EPHA5: variants seen among roughly 807,000 people sequenced by gnomAD.
EPHA5 encodes EPH receptor A5, also known as ephrin type-A receptor 5.
A neutral mutation model predicts 105.0 loss-of-function variants in EPHA5; 60 were observed. The ratio of observed to expected loss-of-function variants is 0.57; its 90% CI spans 0.46 to 0.71. The LOEUF is 0.71. Ranked by LOEUF, EPHA5 falls within the 30% of genes least tolerant of loss-of-function variation. The pLI is 0.00. For missense variants in EPHA5, 1,218 were observed against 1,274.7 expected, an observed-to-expected ratio of 0.96 and a Z score of 0.68; for synonymous variants, 513 against 449.1, an observed-to-expected ratio of 1.14 and a Z score of -1.80.
intron 5 of EPHA5, among the ~76,000 whole-genome samples, chr4:65,473,194 C>A (rs1475191277): frequency 6.6e-6 from 1 of 152,160 alleles, no homozygotes; most frequent in African/African-American, 2.4e-5. Flanking sequence ...GGTCAAAAAA[C>A]ATTCAAGTCT....
At chr4:65,473,661 C>T (rs1054806376) in intron 5 of EPHA5, among the ~76,000 whole-genome samples, 3 of 152,100 alleles carry the variant, frequency 2.0e-5, no homozygotes, top group African/African-American at 7.2e-5. Flanking sequence ...TCCCTTGACA[C>T]ATGGGGATTA....
At chr4:65,516,929 C>T (rs1192883856) in intron 3 of EPHA5, among the ~76,000 whole-genome samples, 2 of 152,046 alleles carry the variant, frequency 1.3e-5, no homozygotes, top group Non-Finnish European at 2.9e-5. Context: ...TTGATCTACA[C>T]TTGTAAAGAA....
chr4:65,618,609 C>A (rs1745448092), intron 2 of EPHA5, among the ~76,000 whole-genome samples: 1 of 152,100 alleles, frequency 6.6e-6, no homozygotes, highest in African/African-American at 2.4e-5. Flanking sequence ...TTTATACAAC[C>A]TTATTGCTGA....
At position 65,365,968 on chromosome 4, in the gene EPHA5, C is replaced by A. The variant is rs36050417; in HGVS notation, c.1951G>T (p.Ala651Ser). The A allele has an allele frequency of 6.2e-7, 1 of 1,608,868 alleles. No homozygotes were observed. Among genetic ancestry groups the A allele is most frequent in the Admixed American group, 1.7e-5 (1 of 59,822 alleles). Residue 651 changes from alanine (A) to serine (S), a missense_variant, in exon 10 of 17, where the codon GCA (alanine) becomes TCA (serine). Physicochemically the swap from Ala to Ser is moderately conservative, Grantham distance 99. Coordinates refer to ENST00000613740, the MANE Select transcript of EPHA5 (RefSeq NM_001281766.3). Reference protein sequence around the residue: ...AVHEFAKEIEASCITIERVIG... With the variant: ...AVHEFAKEIESSCITIERVIG... Reference sequence around the variant, plus strand: ...ACTCTCTCAATGGTGATACATGATGCTTCTATCTCCTTAGCAAATTCGTGG... The same window carrying A: ...ACTCTCTCAATGGTGATACATGATGATTCTATCTCCTTAGCAAATTCGTGG...
chr4:65,331,538 C>A, intron 16 of EPHA5: 9 of 1,054,870 alleles, frequency 8.5e-6, no homozygotes, highest in Non-Finnish European at 1.0e-5. Context: ...GCTACTGTTA[C>A]CTTGATATTC....
chr4:65,601,105 C>T (rs1743680528), intron 3 of EPHA5, among the ~76,000 whole-genome samples: 1 of 152,082 alleles, frequency 6.6e-6, no homozygotes, highest in Non-Finnish European at 1.5e-5. Context: ...GTAATTACAA[C>T]CATAAGTAAA....
At position 65,615,800 on chromosome 4, in the gene EPHA5, G is replaced by A. The variant is rs985168266; in HGVS notation, c.247-13496C>T. On this transcript the variant is annotated intron_variant, in intron 2 of 16. Transcript: ENST00000613740. ...AATAGTGACAACAACCAATGCTGAT[G>A]AGAAAGTGAAGAAACTGGAATACCT... 4.0e-5 allele frequency among the ~76,000 whole-genome samples: 6 copies of A among 151,888 alleles called. No homozygotes were observed. In the East Asian group the frequency reaches 1.2e-3, roughly 29 times the overall value.
Position 65,594,678 on chromosome 4 carries a change from G to T in EPHA5, c.910+6963C>A, listed in dbSNP as rs557415018. Among the ~76,000 whole-genome samples the T allele has an allele frequency of 4.7e-4, 72 of 152,154 alleles. No homozygotes were observed. In the South Asian group the frequency reaches 5.4e-3, roughly 11 times the overall value. On this transcript the variant is annotated intron_variant, in intron 3 of 16. Transcript: ENST00000613740. ...TCTTTTCTTTCATTGCCAAGTCCCC[G>T]TATTTGTCCATCAACATATAGCAGA...
chr4:65,463,115 T>A (rs1728280384), intron 5 of EPHA5, among the ~76,000 whole-genome samples: 1 of 152,194 alleles, frequency 6.6e-6, no homozygotes, highest in South Asian at 2.1e-4. Context: ...ACTGTATCAA[T>A]AACATCTTTT....
At chr4:65,388,791 T>G (rs1305074056) in intron 8 of EPHA5, among the ~76,000 whole-genome samples, 1 of 150,596 alleles carries the variant, frequency 6.6e-6, no homozygotes, top group Non-Finnish European at 1.5e-5. Flanking sequence ...GGTAGTTTCT[T>G]TTGCTGTGCA....
At chr4:65,526,574 TAA>T (rs1735252608) in intron 3 of EPHA5, among the ~76,000 whole-genome samples, 1 of 151,970 alleles carries the variant, frequency 6.6e-6, no homozygotes, top group Non-Finnish European at 1.5e-5. Flanking sequence ...TAAAATAAGA[TAA>T]GTTAATGGCC....
At chr4:65,336,456 C>A (rs536806977) in intron 14 of EPHA5, among the ~76,000 whole-genome samples, 57 of 152,040 alleles carry the variant, frequency 3.7e-4, no homozygotes, top group African/African-American at 1.3e-3. Context: ...TATCCTTGCA[C>A]TCCAGAATCA....
intron 6 of EPHA5, among the ~76,000 whole-genome samples, chr4:65,418,854 C>A (rs774895890): frequency 1.8e-5 from 2 of 114,224 alleles, no homozygotes; most frequent in Non-Finnish European, 3.6e-5. Context: ...AATACACTTA[C>A]CTAAACTCTT....
chr4:65,355,447 C>T (rs1254212476), intron 11 of EPHA5, among the ~76,000 whole-genome samples: 1 of 151,576 alleles, frequency 6.6e-6, no homozygotes, highest in Non-Finnish European at 1.5e-5. Flanking sequence ...ACTATATTGT[C>T]AGACTCTTTT....
intron 3 of EPHA5, among the ~76,000 whole-genome samples, chr4:65,598,081 A>C (rs1743359337): frequency 6.6e-6 from 1 of 152,328 alleles, no homozygotes; most frequent in African/African-American, 2.4e-5. Context: ...TCTCAATAAT[A>C]TATTTTAATT....
rs576606720 is a variant in EPHA5, at chr4:65,537,331, T to G, written c.911-41788A>C. 1.9e-3 allele frequency among the ~76,000 whole-genome samples: 288 copies of G among 151,858 alleles called. 2 individuals are homozygous for G. Among genetic ancestry groups the G allele is most frequent in the Non-Finnish European group, 3.0e-3 (203 of 67,750 alleles). ...CTATATAACTATGTGGTGAGAGATATTTTGTAAAAAATTACACCACATAGA... is the reference window on the plus strand; with the variant it reads ...CTATATAACTATGTGGTGAGAGATAGTTTGTAAAAAATTACACCACATAGA... On this transcript the variant is annotated intron_variant, in intron 3 of 16. Coordinates refer to ENST00000613740, the MANE Select transcript of EPHA5 (RefSeq NM_001281766.3).
intron 3 of EPHA5, among the ~76,000 whole-genome samples, chr4:65,600,170 C>A (rs1299181069): frequency 6.6e-6 from 1 of 152,012 alleles, no homozygotes; most frequent in Non-Finnish European, 1.5e-5. Context: ...TGCTTTTGAT[C>A]CTTTAATTAC....
chr4:65,614,761 T>C (rs1745076689), intron 2 of EPHA5, among the ~76,000 whole-genome samples: 1 of 151,830 alleles, frequency 6.6e-6, no homozygotes. Flanking sequence ...GAGTATATAT[T>C]AGTAGCCAGC....
intron 5 of EPHA5, among the ~76,000 whole-genome samples, chr4:65,453,758 T>C (rs572281523): frequency 6.6e-6 from 1 of 152,284 alleles, no homozygotes; most frequent in East Asian, 1.9e-4. Flanking sequence ...TGCAAGACCC[T>C]GGAAGCATGC....
Sources: allele counts gnomAD v4.1 joint callset (sites outside exome capture counted in the v4.1 genomes callset), GRCh38; gene constraint gnomAD v4.1.1; transcripts MANE v1.5; gene names NCBI Gene and HGNC (gene_info 2026-07-23, HGNC 2026-07-21).